Variants in RANBP2 observed in about 807,000 individuals in gnomAD.
The protein encoded by RANBP2 is E3 SUMO-protein ligase RanBP2.
Under a neutral mutation model 303.6 loss-of-function variants are expected in RANBP2, and 57 were observed. The observed-to-expected ratio is 0.19, with a 90% CI of 0.15 to 0.23. The LOEUF (loss-of-function observed/expected upper bound fraction) is 0.23. Among genes scored for constraint, RANBP2 ranks in the 10% least tolerant of loss-of-function variants. RANBP2 has a pLI of 1.00. For missense variants in RANBP2, 3,138 were observed against 3,780.8 expected (o/e 0.83, Z 4.46); for synonymous variants, 1,167 against 1,301.5 (o/e 0.90, Z 2.23).
chr2:109,181,632 G>T, the RANBP2 span, among the ~76,000 whole-genome samples: 36 of 152,196 alleles, frequency 2.4e-4, no homozygotes, highest in Admixed American at 5.9e-4. Flanking sequence ...AGGACCTGCA[G>T]TAGATGCCTG....
the RANBP2 span, among the ~76,000 whole-genome samples, chr2:109,380,808 A>G: frequency 6.6e-6 from 1 of 152,226 alleles, no homozygotes; most frequent in African/African-American, 2.4e-5. Context: ...GCATAGGCAG[A>G]CATCAAACTT....
the RANBP2 span, among the ~76,000 whole-genome samples, chr2:109,278,460 G>A: frequency 2.4e-4 from 36 of 152,340 alleles, no homozygotes; most frequent in African/African-American, 7.7e-4. Flanking sequence ...AAATAAATGT[G>A]CCCGATGAAC....
chr2:108,913,867 G>A, the RANBP2 span, among the ~76,000 whole-genome samples: 2 of 145,428 alleles, frequency 1.4e-5, no homozygotes, highest in South Asian at 2.2e-4. Flanking sequence ...GGAGAATGGC[G>A]TGAACCCAGG....
the RANBP2 span, among the ~76,000 whole-genome samples, chr2:109,223,755 C>T: frequency 1.3e-5 from 2 of 152,172 alleles, no homozygotes; most frequent in East Asian, 3.9e-4. Context: ...TGGAGGACAG[C>T]CTCTGAGCCA....
At chr2:109,618,403 T>G in the RANBP2 span, 1 of 167,092 alleles carries the variant, frequency 6.0e-6, no homozygotes, top group Non-Finnish European at 1.5e-5. Context: ...GCACAAAATC[T>G]ATAATTTGCC....
the RANBP2 span, among the ~76,000 whole-genome samples, chr2:109,091,135 C>A: frequency 1.3e-5 from 2 of 152,010 alleles, no homozygotes; most frequent in Non-Finnish European, 2.9e-5. Context: ...AGAGATGAGG[C>A]GGGAGGATTG....
At chr2:109,539,124 C>T in the RANBP2 span, among the ~76,000 whole-genome samples, 1 of 152,034 alleles carries the variant, frequency 6.6e-6, no homozygotes, top group South Asian at 2.1e-4. Flanking sequence ...ATGGTGAAAC[C>T]CCGTCTCTAC....
the RANBP2 span, chr2:109,737,589 T>C: frequency 2.6e-6 from 1 of 382,224 alleles, no homozygotes; most frequent in Non-Finnish European, 4.7e-6. Context: ...TGGATGTATA[T>C]CCAGTGATGG....
At chr2:109,439,908 T>G in the RANBP2 span, among the ~76,000 whole-genome samples, 1 of 151,300 alleles carries the variant, frequency 6.6e-6, no homozygotes. Context: ...ATTAAGAGAG[T>G]GTGGAGGAGG....
the RANBP2 span, among the ~76,000 whole-genome samples, chr2:109,181,227 G>A: frequency 6.6e-6 from 1 of 152,084 alleles, no homozygotes; most frequent in Non-Finnish European, 1.5e-5. Flanking sequence ...TGGAAAAGTT[G>A]AGAAAACAGA....
chr2:109,038,743 A>C, the RANBP2 span, among the ~76,000 whole-genome samples: 1 of 152,202 alleles, frequency 6.6e-6, no homozygotes, highest in Non-Finnish European at 1.5e-5. Flanking sequence ...ATAGCTTAAG[A>C]CAATCCTTAA....
At chr2:108,958,721 A>T in the RANBP2 span, among the ~76,000 whole-genome samples, 1 of 152,180 alleles carries the variant, frequency 6.6e-6, no homozygotes, top group African/African-American at 2.4e-5. Flanking sequence ...ACCCCTAGAT[A>T]TCTGGCCCAG....
the RANBP2 span, among the ~76,000 whole-genome samples, chr2:109,017,948 G>A: frequency 6.6e-6 from 1 of 152,198 alleles, no homozygotes; most frequent in Non-Finnish European, 1.5e-5. Flanking sequence ...TTTTACCTGA[G>A]ATGGTGGAAA....
At chr2:109,305,927 AGCTGCTCC>A in the RANBP2 span, among the ~76,000 whole-genome samples, 1 of 150,122 alleles carries the variant, frequency 6.7e-6, no homozygotes, top group African/African-American at 2.5e-5. Flanking sequence ...CTGCTCCTCC[AGCTGCTCC>A]TCCAGCTGCC....
the RANBP2 span, chr2:109,251,742 A>C: frequency 4.6e-6 from 3 of 645,934 alleles, no homozygotes; most frequent in South Asian, 1.9e-5. Flanking sequence ...TTTTCATATT[A>C]GACTTTTTGT....
the RANBP2 span, among the ~76,000 whole-genome samples, chr2:109,365,087 A>G: frequency 2.0e-5 from 3 of 149,448 alleles, no homozygotes; most frequent in African/African-American, 5.1e-5. Context: ...AAACATCCCA[A>G]TGGGTGAGGC....
chr2:108,752,316 A>G (rs1200740721), intron 12 of RANBP2, among the ~76,000 whole-genome samples: 4 of 152,062 alleles, frequency 2.6e-5, no homozygotes, highest in Non-Finnish European at 2.9e-5. Context: ...AGATCTTTCT[A>G]TATACTTAAG....
At chr2:109,106,292 T>C in the RANBP2 span, among the ~76,000 whole-genome samples, 1 of 152,210 alleles carries the variant, frequency 6.6e-6, no homozygotes, top group African/African-American at 2.4e-5. Context: ...CAGACCCATA[T>C]GGATTTGCCA....
intron 17 of RANBP2, among the ~76,000 whole-genome samples, chr2:108,756,650 T>C (rs1450273996): frequency 1.3e-5 from 2 of 152,224 alleles, no homozygotes; most frequent in Non-Finnish European, 2.9e-5. Context: ...CTCCCAACAT[T>C]GTATTCTGTG....
Sources: allele counts gnomAD v4.1 joint callset (sites outside exome capture counted in the v4.1 genomes callset), GRCh38; gene constraint gnomAD v4.1.1; transcripts MANE v1.5; gene names NCBI Gene and HGNC (gene_info 2026-07-23, HGNC 2026-07-21).